The following MAMDC2 variants were observed in gnomAD, a reference collection of about 807,000 sequenced individuals.
MAMDC2 encodes the protein MAM domain-containing protein 2.
MAMDC2 carries 57 observed loss-of-function variants against 89.8 expected under a neutral mutation model. The ratio of observed to expected loss-of-function variants is 0.63; its 90% confidence interval spans 0.51 to 0.79. The LOEUF is 0.79. Ranked by LOEUF, MAMDC2 falls within the 30% of genes least tolerant of loss-of-function variation. The pLI is 0.00. For synonymous variants in MAMDC2, 313 were observed against 293.4 expected (o/e 1.07, Z -0.68); for missense variants, 800 against 820.6 (o/e 0.97, Z 0.31).
intron 11 of MAMDC2, among the ~76,000 whole-genome samples, chr9:70,206,368 A>T (rs2033223889): frequency 6.6e-6 from 1 of 152,226 alleles, no homozygotes; most frequent in Admixed American, 6.5e-5. Context: ...GTACAGGAAC[A>T]GTCTATACAC....
At chr9:70,211,256 G>A (rs1237762347) in intron 11 of MAMDC2, among the ~76,000 whole-genome samples, 1 of 152,124 alleles carries the variant, frequency 6.6e-6, no homozygotes, top group Non-Finnish European at 1.5e-5. Flanking sequence ...TCACTTTCAG[G>A]TACACCAATC....
At chr9:70,044,749 C>T (rs750333925) in intron 2 of MAMDC2, 52 bp downstream of exon 2, 161 of 1,372,722 alleles carry the variant, frequency 1.2e-4, no homozygotes, top group Admixed American at 2.4e-4. Flanking sequence ...TCCTTGATGG[C>T]TTGCTTTTTT....
intron 2 of MAMDC2, among the ~76,000 whole-genome samples, chr9:70,102,235 A>C (rs181069014): frequency 6.6e-6 from 1 of 152,286 alleles, no homozygotes; most frequent in East Asian, 1.9e-4. Context: ...CCAGTGATTC[A>C]GTTTATGTGT....
chr9:70,073,269 C>T (rs990855599), intron 2 of MAMDC2, among the ~76,000 whole-genome samples: 4 of 152,226 alleles, frequency 2.6e-5, no homozygotes, highest in Non-Finnish European at 5.9e-5. Context: ...AGGAAGAAGG[C>T]TTTCACTTCT....
At chr9:70,204,056 C>T (rs1466868455) in intron 11 of MAMDC2, among the ~76,000 whole-genome samples, 4 of 151,586 alleles carry the variant, frequency 2.6e-5, no homozygotes, top group Non-Finnish European at 5.9e-5. Context: ...TCTCTCAGCT[C>T]GTCAAAGTCA....
intron 11 of MAMDC2, among the ~76,000 whole-genome samples, chr9:70,190,033 A>G (rs943774446): frequency 1.3e-5 from 2 of 152,092 alleles, no homozygotes; most frequent in African/African-American, 4.8e-5. Flanking sequence ...TTCTTTAAAC[A>G]TATTTGTAAT....
chr9:70,151,952 G>A (rs2031595488), intron 9 of MAMDC2, among the ~76,000 whole-genome samples: 1 of 152,154 alleles, frequency 6.6e-6, no homozygotes, highest in African/African-American at 2.4e-5. Context: ...CTCAAAGACA[G>A]TACGTGCCTT....
At position 70,056,398 on chromosome 9, in the gene MAMDC2, G is replaced by C. The variant is rs183018830; in HGVS notation, c.148+11701G>C. 9.3e-4 allele frequency among the ~76,000 whole-genome samples: 141 copies of C among 152,324 alleles called. 1 individual carries two copies. The highest frequency in any genetic ancestry group is 3.2e-3 in the African/African-American group (131 of 41,572). On this transcript the variant is annotated intron_variant, in intron 2 of 13. Transcript: ENST00000377182. ...TCCTGAAAATTGGCAACAGCCATCT[G>C]AAATCCCACTGTTGTTTCTAAAAAT... is the stretch of plus-strand genomic sequence containing the variant.
At chr9:70,065,030 A>G (rs1827234704) in intron 2 of MAMDC2, among the ~76,000 whole-genome samples, 1 of 152,226 alleles carries the variant, frequency 6.6e-6, no homozygotes, top group African/African-American at 2.4e-5. Flanking sequence ...TCTTAGCTCC[A>G]TCTGTCTATA....
intron 2 of MAMDC2, 32 bp from the exon 3 acceptor site, chr9:70,108,179 G>T (rs1828391343): frequency 2.0e-6 from 3 of 1,505,592 alleles, no homozygotes; most frequent in Middle Eastern, 1.8e-4. Flanking sequence ...AACAAAAATT[G>T]ATCCTTTTCC....
At position 70,145,121 on chromosome 9, in the gene MAMDC2, T is replaced by C. The variant is rs144327525; in HGVS notation, c.1404+1302T>C. 2.3e-3 allele frequency among the ~76,000 whole-genome samples: 345 copies of C among 152,340 alleles called. 2 individuals are homozygous for C. The highest frequency in any genetic ancestry group is 8.1e-3 in the African/African-American group (336 of 41,584). On this transcript the variant is annotated intron_variant, in intron 9 of 13. Coordinates refer to ENST00000377182, the MANE Select transcript of MAMDC2 (RefSeq NM_153267.5). ...TAATACCTCTAGCAGAGTAGCAGCA[T>C]CTAAGTTTTACCACAATCTTACAGA...
At chr9:70,194,617 G>C (rs1233424618) in intron 11 of MAMDC2, 2 of 152,058 alleles carry the variant, frequency 1.3e-5, no homozygotes, top group Non-Finnish European at 2.9e-5. Flanking sequence ...TGCTATAGTA[G>C]CATAAACAGA....
intron 5 of MAMDC2, among the ~76,000 whole-genome samples, chr9:70,122,030 C>A (rs2030308267): frequency 6.6e-6 from 1 of 152,192 alleles, no homozygotes; most frequent in South Asian, 2.1e-4. Flanking sequence ...TGAATCACCC[C>A]TAACAGTTCA....
intron 11 of MAMDC2, among the ~76,000 whole-genome samples, chr9:70,188,183 T>C (rs2032799973): frequency 6.6e-6 from 1 of 152,182 alleles, no homozygotes; most frequent in African/African-American, 2.4e-5. Context: ...ATCTTTCAGT[T>C]GCAACTTATT....
At chr9:70,221,737 A>G (rs183357477) in intron 12 of MAMDC2, among the ~76,000 whole-genome samples, 18 of 151,950 alleles carry the variant, frequency 1.2e-4, no homozygotes, top group East Asian at 9.7e-4. Context: ...GTGTGTGTGT[A>G]TATCACATTG....
intron 9 of MAMDC2, among the ~76,000 whole-genome samples, chr9:70,155,230 C>G (rs529289636): frequency 6.6e-6 from 1 of 152,252 alleles, no homozygotes; most frequent in East Asian, 1.9e-4. Context: ...TCCTCGTCCC[C>G]CATCCCAGAT....
intron 11 of MAMDC2, among the ~76,000 whole-genome samples, chr9:70,213,101 C>T (rs1015805152): frequency 1.1e-4 from 17 of 152,196 alleles, no homozygotes; most frequent in African/African-American, 3.6e-4. Context: ...CTTCCAGGAC[C>T]TCAGAATAAT....
At chr9:70,144,557 G>C (rs916539602) in intron 9 of MAMDC2, among the ~76,000 whole-genome samples, 9 of 152,318 alleles carry the variant, frequency 5.9e-5, no homozygotes, top group Admixed American at 5.2e-4. Context: ...GCCTGTGTCA[G>C]TCAATCAGCA....
chr9:70,183,660 T>C (rs575967222), intron 11 of MAMDC2, among the ~76,000 whole-genome samples: 7 of 152,220 alleles, frequency 4.6e-5, no homozygotes, highest in Non-Finnish European at 8.8e-5. Flanking sequence ...GAGACTAGGA[T>C]TGCAACCCTT....
Sources: allele counts gnomAD v4.1 joint callset (sites outside exome capture counted in the v4.1 genomes callset), GRCh38; gene constraint gnomAD v4.1.1; transcripts MANE v1.5; gene names NCBI Gene and HGNC (gene_info 2026-07-23, HGNC 2026-07-21).